The following MARCHF1 variants were observed in gnomAD, a reference collection of about 807,000 sequenced individuals.
MARCHF1 encodes E3 ubiquitin-protein ligase MARCHF1.
MARCHF1 carries 40 observed loss-of-function variants against 54.2 expected under a neutral mutation model. The observed-to-expected ratio is 0.74, with a 90% CI of 0.57 to 0.96. MARCHF1 has a LOEUF of 0.96. Ranked by LOEUF, MARCHF1 falls within the 40% of genes least tolerant of loss-of-function variation. The pLI is 0.00. For missense variants in MARCHF1, 586 were observed against 656.5 expected (o/e 0.89, Z 1.17); for synonymous variants, 236 against 236.3 (o/e 1.00, Z 0.01).
intron 1 of MARCHF1, among the ~76,000 whole-genome samples, chr4:164,241,740 C>G (rs1298715181): frequency 6.6e-6 from 1 of 152,154 alleles, no homozygotes; most frequent in Non-Finnish European, 1.5e-5. Context: ...TAGGGAGTGC[C>G]AGACAGTGGG....
At chr4:164,066,067 C>A (rs1429721305) in intron 2 of MARCHF1, among the ~76,000 whole-genome samples, 2 of 152,138 alleles carry the variant, frequency 1.3e-5, no homozygotes, top group Non-Finnish European at 2.9e-5. Context: ...ACTTTACCAG[C>A]TATCTAGGCA....
At chr4:164,222,682 T>C (rs552949474) in intron 1 of MARCHF1, among the ~76,000 whole-genome samples, 1 of 152,084 alleles carries the variant, frequency 6.6e-6, no homozygotes, top group African/African-American at 2.4e-5. Context: ...TTATAACAAA[T>C]GTCTAAGACT....
intron 1 of MARCHF1, among the ~76,000 whole-genome samples, chr4:164,172,597 A>G (rs1374895327): frequency 6.6e-6 from 1 of 152,210 alleles, no homozygotes; most frequent in Non-Finnish European, 1.5e-5. Context: ...AGGTAAAAAT[A>G]TATGTAAATA....
chr4:163,663,857 C>G (rs1743435086), intron 5 of MARCHF1, among the ~76,000 whole-genome samples: 1 of 151,656 alleles, frequency 6.6e-6, no homozygotes, highest in Non-Finnish European at 1.5e-5. Flanking sequence ...TAATATTAGC[C>G]TCTTACTACT....
At chr4:163,745,492 G>C (rs186805686) in intron 4 of MARCHF1, among the ~76,000 whole-genome samples, 17 of 152,244 alleles carry the variant, frequency 1.1e-4, no homozygotes, top group Non-Finnish European at 1.5e-4. Flanking sequence ...GAAGAGCTCT[G>C]AATGAGGTCA....
At chr4:164,293,440 C>T (rs541197775) in intron 1 of MARCHF1, among the ~76,000 whole-genome samples, 1 of 152,250 alleles carries the variant, frequency 6.6e-6, no homozygotes, top group South Asian at 2.1e-4. Context: ...CTTTTTCTGT[C>T]GATAAATACT....
chr4:164,080,552 C>T (rs1005816728), intron 2 of MARCHF1, among the ~76,000 whole-genome samples: 1 of 151,882 alleles, frequency 6.6e-6, no homozygotes, highest in African/African-American at 2.4e-5. Context: ...ATTCACAGAA[C>T]CTCTTCCTTC....
intron 4 of MARCHF1, among the ~76,000 whole-genome samples, chr4:163,791,214 A>T (rs1236850194): frequency 2.0e-5 from 3 of 152,110 alleles, no homozygotes; most frequent in African/African-American, 7.2e-5. Context: ...TGATTTAGAA[A>T]CTTACGATAG....
At chr4:164,331,746 TAAAAAG>T (rs1735439326) in intron 1 of MARCHF1, among the ~76,000 whole-genome samples, 1 of 152,192 alleles carries the variant, frequency 6.6e-6, no homozygotes, top group African/African-American at 2.4e-5. Context: ...AGTATGCTGA[TAAAAAG>T]AAAATCTCTG....
chr4:163,624,837 A>G (rs1741814398), intron 5 of MARCHF1, among the ~76,000 whole-genome samples: 1 of 152,210 alleles, frequency 6.6e-6, no homozygotes. Flanking sequence ...ATAGGAAAAT[A>G]TTATTCTCAC....
At chr4:163,780,607 TG>T (rs1747437288) in intron 4 of MARCHF1, among the ~76,000 whole-genome samples, 1 of 54,298 alleles carries the variant, frequency 1.8e-5, no homozygotes, top group Admixed American at 2.3e-4. Context: ...CCTTTGAAAG[TG>T]GGAATTATGG....
At chr4:164,045,296 G>C (rs918765833) in intron 2 of MARCHF1, among the ~76,000 whole-genome samples, 3 of 151,940 alleles carry the variant, frequency 2.0e-5, no homozygotes, top group Non-Finnish European at 4.4e-5. Context: ...TGGATCACTT[G>C]AGGTTAGGAG....
In MARCHF1 at chr4:164,120,062, T is replaced by C. The variant is rs539670318; in HGVS notation, c.-322-8400A>G. Among the ~76,000 whole-genome samples, 939 of 148,670 alleles carry C rather than the reference T, an allele frequency of 6.3e-3. 6 individuals carry two copies. Among genetic ancestry groups the C allele is most frequent in the Non-Finnish European group, 0.01 (701 of 67,668 alleles). On this transcript the variant is annotated intron_variant, in intron 1 of 9. Coordinates refer to ENST00000514618, the MANE Select transcript of MARCHF1 (RefSeq NM_001394959.1). ...AAAAAAACTACAGATCAACCTGATA[T>C]ATTTAGTTATAAAAAATCATAAATA...
At chr4:164,088,579 A>C (rs1046173467) in intron 2 of MARCHF1, among the ~76,000 whole-genome samples, 1 of 152,036 alleles carries the variant, frequency 6.6e-6, no homozygotes, top group Admixed American at 6.6e-5. Flanking sequence ...CTCTACAAAA[A>C]ATACAAACTT....
chr4:163,977,179 T>C (rs1289388820), intron 3 of MARCHF1, among the ~76,000 whole-genome samples: 2 of 151,784 alleles, frequency 1.3e-5, no homozygotes, highest in East Asian at 3.9e-4. Flanking sequence ...TTAATATTAG[T>C]GTCAGGATTA....
chr4:163,966,653 C>G (rs557923913), intron 3 of MARCHF1, among the ~76,000 whole-genome samples: 2 of 152,196 alleles, frequency 1.3e-5, no homozygotes, highest in Admixed American at 1.3e-4. Context: ...GTCCTAAACA[C>G]TTTTATGTAT....
chr4:164,203,662 G>A lies in MARCHF1; in HGVS notation c.-322-92000C>T, dbSNP rs1579620972. Among the ~76,000 whole-genome samples the A allele has an allele frequency of 3.3e-5, 5 of 152,090 alleles. No individual in the cohort carries two copies. In the South Asian group the frequency reaches 1.0e-3, roughly 31 times the overall value. On this transcript the variant is annotated intron_variant, in intron 1 of 9. Coordinates refer to ENST00000514618, the MANE Select transcript of MARCHF1 (RefSeq NM_001394959.1). ...CCTTCATAGAAACATCCAGAATAAT[G>A]TTTGACCAAATATGGGCACAATGCC...
rs1260393079 is a variant in MARCHF1, at chr4:163,533,184, G to C, written c.1340-4138C>G. The stretch of plus-strand genomic sequence containing the variant: ...TTATTTAGTGATTAAAAAGAAATGA[G>C]CTATCAAGCTACAAAAGGACACGAA... On this transcript the variant is annotated intron_variant, in intron 9 of 9. Coordinates refer to ENST00000514618, the MANE Select transcript of MARCHF1 (RefSeq NM_001394959.1). 7.2e-5 allele frequency among the ~76,000 whole-genome samples: 11 copies of C among 152,002 alleles called. No individual in the cohort carries two copies. In the East Asian group the frequency reaches 2.1e-3, roughly 29 times the overall value.
chr4:164,091,527 G>A (rs147676091), intron 2 of MARCHF1, among the ~76,000 whole-genome samples: 1 of 150,910 alleles, frequency 6.6e-6, no homozygotes, highest in Non-Finnish European at 1.5e-5. Context: ...TAACAGGTGA[G>A]TTAAAGAAAA....
Sources: allele counts gnomAD v4.1 joint callset (sites outside exome capture counted in the v4.1 genomes callset), GRCh38; gene constraint gnomAD v4.1.1; transcripts MANE v1.5; gene names NCBI Gene and HGNC (gene_info 2026-07-23, HGNC 2026-07-21).